The following KIZ variants were observed in gnomAD, a reference collection of about 807,000 sequenced individuals.
The protein encoded by KIZ is kizuna centrosomal protein.
KIZ carries 68 observed loss-of-function variants against 79.6 expected under a neutral mutation model. The observed-to-expected ratio is 0.85, with a 90% CI of 0.70 to 1.05. The LOEUF (loss-of-function observed/expected upper bound fraction) is 1.05, where lower values mean the gene tolerates loss of function less well. KIZ is among the 50% of genes least tolerant of loss of function. KIZ has a pLI of 0.00. For missense variants in KIZ, 797 were observed against 800.4 expected (o/e 1.00, Z 0.05); for synonymous variants, 280 against 281.8 (o/e 0.99, Z 0.06).
At chr20:21,172,632 G>A (rs2122815716) in intron 6 of KIZ, among the ~76,000 whole-genome samples, 1 of 152,098 alleles carries the variant, frequency 6.6e-6, no homozygotes, top group East Asian at 1.9e-4. Context: ...AGAATAAGCA[G>A]GTTAAGTAGA....
At chr20:21,172,790 C>T (rs1306008694) in intron 6 of KIZ, among the ~76,000 whole-genome samples, 2 of 152,154 alleles carry the variant, frequency 1.3e-5, no homozygotes, top group African/African-American at 4.8e-5. Context: ...CACTTAACCT[C>T]ATCTGTTCTT....
intron 4 of KIZ, 115 bp downstream of exon 4, chr20:21,145,769 T>G: frequency 2.2e-6 from 1 of 457,542 alleles, no homozygotes; most frequent in Non-Finnish European, 3.9e-6. Context: ...TGATTAAACC[T>G]TACGTGATTA....
chr20:21,237,312 A>G (rs954482380), intron 11 of KIZ, among the ~76,000 whole-genome samples: 2 of 151,920 alleles, frequency 1.3e-5, no homozygotes, highest in East Asian at 1.9e-4. Context: ...AAAAAAAAAA[A>G]AAAAAAAAAA....
chr20:21,144,984 A>G (rs548097292), intron 3 of KIZ, among the ~76,000 whole-genome samples: 1 of 152,142 alleles, frequency 6.6e-6, no homozygotes, highest in African/African-American at 2.4e-5. Context: ...AGACATCTTT[A>G]TGTAGTTATT....
intron 7 of KIZ, among the ~76,000 whole-genome samples, chr20:21,208,904 G>A (rs1231087999): frequency 6.6e-6 from 1 of 151,254 alleles, no homozygotes; most frequent in Non-Finnish European, 1.5e-5. Context: ...AAGTGTCTTT[G>A]AGTTGTTTCT....
chr20:21,172,400 C>G (rs528169707), intron 6 of KIZ, among the ~76,000 whole-genome samples: 1 of 152,008 alleles, frequency 6.6e-6, no homozygotes, highest in Non-Finnish European at 1.5e-5. Context: ...CTTAGGAGTT[C>G]GAGACCAGCC....
chr20:21,236,359 A>G (rs562540858), intron 11 of KIZ, among the ~76,000 whole-genome samples: 18 of 152,350 alleles, frequency 1.2e-4, no homozygotes, highest in African/African-American at 4.3e-4. Context: ...TTTCAGAAAC[A>G]TATGTCTGTT....
At chr20:21,168,364 C>T (rs888275981) in intron 6 of KIZ, among the ~76,000 whole-genome samples, 4 of 152,066 alleles carry the variant, frequency 2.6e-5, no homozygotes, top group Non-Finnish European at 5.9e-5. Flanking sequence ...TGGATTGGTT[C>T]CAACTTACAA....
chr20:21,129,963 C>G (rs1281533976), intron 1 of KIZ, among the ~76,000 whole-genome samples: 1 of 152,030 alleles, frequency 6.6e-6, no homozygotes, highest in Non-Finnish European at 1.5e-5. Context: ...ATATATGATG[C>G]CTCATCACTC....
chr20:21,127,433 C>G (rs1042117473), intron 1 of KIZ, among the ~76,000 whole-genome samples: 7 of 152,102 alleles, frequency 4.6e-5, no homozygotes, highest in Non-Finnish European at 1.0e-4. Flanking sequence ...GTTTCCTGTG[C>G]TAGGAACACC....
chr20:21,233,331 A>G (rs1331140787), intron 11 of KIZ, among the ~76,000 whole-genome samples: 1 of 152,220 alleles, frequency 6.6e-6, no homozygotes, highest in Non-Finnish European at 1.5e-5. Flanking sequence ...TCCATAAAGA[A>G]CAAAATTTAT....
intron 1 of KIZ, 167 bp from the exon 2 acceptor site, chr20:21,131,930 C>CT (rs2031872031): frequency 3.9e-6 from 2 of 512,776 alleles, no homozygotes; most frequent in Non-Finnish European, 7.0e-6. Flanking sequence ...TTTTCTGCTT[C>CT]TTAGACCAGA....
At chr20:21,228,327 T>C (rs2036720745) in intron 9 of KIZ, among the ~76,000 whole-genome samples, 2 of 152,212 alleles carry the variant, frequency 1.3e-5, no homozygotes, top group South Asian at 4.1e-4. Flanking sequence ...TACGTATTTT[T>C]GTTTACTGTT....
At chr20:21,173,513 G>T (rs1441146766) in intron 6 of KIZ, among the ~76,000 whole-genome samples, 1 of 151,294 alleles carries the variant, frequency 6.6e-6, no homozygotes, top group Non-Finnish European at 1.5e-5. Flanking sequence ...GGGAAGTGGA[G>T]GTTGCAGTGA....
chr20:21,230,110 G>A (rs1199111075), intron 10 of KIZ, among the ~76,000 whole-genome samples: 1 of 152,108 alleles, frequency 6.6e-6, no homozygotes, highest in Non-Finnish European at 1.5e-5. Context: ...ATTTCATCTA[G>A]CAGAATGAAC....
At chr20:21,239,088 G>C (rs530306740) in intron 11 of KIZ, among the ~76,000 whole-genome samples, 1 of 152,356 alleles carries the variant, frequency 6.6e-6, no homozygotes, top group South Asian at 2.1e-4. Context: ...GAAGTCTGCT[G>C]TCTGCAGGCT....
intron 1 of KIZ, among the ~76,000 whole-genome samples, chr20:21,131,111 C>G (rs1338209472): frequency 6.6e-6 from 1 of 152,202 alleles, no homozygotes; most frequent in Non-Finnish European, 1.5e-5. Context: ...AGATGGAACC[C>G]TCTGTGGCTA....
chr20:21,174,596 C>T (rs539659776), intron 6 of KIZ, among the ~76,000 whole-genome samples: 1 of 152,202 alleles, frequency 6.6e-6, no homozygotes, highest in Non-Finnish European at 1.5e-5. Flanking sequence ...TTTCCAACCT[C>T]AAATAGGCCA....
At chr20:21,207,643 T>C (rs2035888231) in intron 7 of KIZ, among the ~76,000 whole-genome samples, 1 of 151,912 alleles carries the variant, frequency 6.6e-6, no homozygotes, top group African/African-American at 2.4e-5. Flanking sequence ...CTTTCACAGA[T>C]TTCATGCCCC....
Sources: allele counts gnomAD v4.1 joint callset (sites outside exome capture counted in the v4.1 genomes callset), GRCh38; gene constraint gnomAD v4.1.1; transcripts MANE v1.5; gene names NCBI Gene and HGNC (gene_info 2026-07-23, HGNC 2026-07-21).